Variants in NPAS3 observed in about 807,000 individuals in gnomAD.
NPAS3 encodes neuronal PAS domain-containing protein 3.
A neutral mutation model predicts 73.1 loss-of-function variants in NPAS3; 14 were observed. That is an observed-to-expected ratio of 0.19 (90% CI 0.13 to 0.30). The LOEUF is 0.30. Ranked by LOEUF, NPAS3 falls within the 10% of genes least tolerant of loss-of-function variation. The pLI is 1.00. For missense variants in NPAS3, 1,096 were observed against 1,250.0 expected, an observed-to-expected ratio of 0.88 and a Z score of 1.86; for synonymous variants, 620 against 541.5, an observed-to-expected ratio of 1.14 and a Z score of -2.01.
intron 3 of NPAS3, among the ~76,000 whole-genome samples, chr14:33,244,006 G>A (rs2048295957): frequency 6.6e-6 from 1 of 152,020 alleles, no homozygotes; most frequent in African/African-American, 2.4e-5. Flanking sequence ...TTTCTAGAAG[G>A]CTTCCCAGCC....
At chr14:33,038,860 A>G (rs180871662) in intron 1 of NPAS3, among the ~76,000 whole-genome samples, 14 of 152,336 alleles carry the variant, frequency 9.2e-5, no homozygotes, top group African/African-American at 2.6e-4. Flanking sequence ...AATTAATGGC[A>G]TTTATTGGGA....
At chr14:33,194,979 G>A (rs966788915) in intron 2 of NPAS3, among the ~76,000 whole-genome samples, 5 of 152,094 alleles carry the variant, frequency 3.3e-5, no homozygotes, top group Non-Finnish European at 7.4e-5. Flanking sequence ...CTTACCTTAG[G>A]AACAAATAGG....
At chr14:33,380,795 CT>C (rs1449713228) in intron 4 of NPAS3, among the ~76,000 whole-genome samples, 2 of 152,118 alleles carry the variant, frequency 1.3e-5, no homozygotes, top group African/African-American at 4.8e-5. Context: ...TGGGTAACTG[CT>C]ACAGGAATTG....
chr14:33,248,291 C>T (rs1189922814), intron 3 of NPAS3, among the ~76,000 whole-genome samples: 1 of 152,162 alleles, frequency 6.6e-6, no homozygotes, highest in Non-Finnish European at 1.5e-5. Context: ...CGTTGGCTGT[C>T]ATAAAAACAA....
intron 3 of NPAS3, among the ~76,000 whole-genome samples, chr14:33,310,154 G>A (rs984941993): frequency 3.9e-5 from 6 of 152,174 alleles, no homozygotes; most frequent in African/African-American, 1.4e-4. Context: ...GTACACACAC[G>A]TCTCCACCCT....
At chr14:33,533,363 A>G (rs979956863) in intron 4 of NPAS3, among the ~76,000 whole-genome samples, 1 of 152,180 alleles carries the variant, frequency 6.6e-6, no homozygotes, top group Non-Finnish European at 1.5e-5. Flanking sequence ...AATGTCACCA[A>G]AGAAATAGAA....
At chr14:33,178,962 C>CT (rs2045697531) in intron 2 of NPAS3, among the ~76,000 whole-genome samples, 1 of 152,024 alleles carries the variant, frequency 6.6e-6, no homozygotes, top group Non-Finnish European at 1.5e-5. Flanking sequence ...TTGCAAATGT[C>CT]TTTTTTCGTG....
chr14:33,456,713 G>T (rs1443103359), intron 4 of NPAS3, among the ~76,000 whole-genome samples: 1 of 152,108 alleles, frequency 6.6e-6, no homozygotes, highest in African/African-American at 2.4e-5. Flanking sequence ...AAATTATAGC[G>T]GTGCTAGAAT....
intron 5 of NPAS3, among the ~76,000 whole-genome samples, chr14:33,666,148 T>C (rs190062013): frequency 2.6e-4 from 40 of 152,300 alleles, no homozygotes; most frequent in Non-Finnish European, 4.3e-4. Context: ...GATCTATCTA[T>C]CTCTTTAGGG....
Position 33,624,379 on chromosome 14 carries a change from C to T in NPAS3, c.559-51832C>T, listed in dbSNP as rs180875375. ...TTGGTTTAGGACACAGGTTCCTAAC[C>T]GGGTCTCTTTGGATAGGATTTGGGG... is the stretch of plus-strand genomic sequence containing the variant. On this transcript the variant is annotated intron_variant, in intron 5 of 11. Transcript: ENST00000356141. 3.4e-3 allele frequency among the ~76,000 whole-genome samples: 513 copies of T among 152,228 alleles called. 2 individuals carry two copies. Among genetic ancestry groups the T allele is most frequent in the African/African-American group, 0.012 (491 of 41,532 alleles).
chr14:33,426,750 A>G (rs2048570926), intron 4 of NPAS3, among the ~76,000 whole-genome samples: 1 of 152,100 alleles, frequency 6.6e-6, no homozygotes, highest in Non-Finnish European at 1.5e-5. Flanking sequence ...GAACCATTCT[A>G]AGGAATGGAT....
chr14:33,079,906 C>G (rs953997136), intron 2 of NPAS3, among the ~76,000 whole-genome samples: 7 of 152,102 alleles, frequency 4.6e-5, no homozygotes, highest in Non-Finnish European at 8.8e-5. Context: ...AGCTATCGCG[C>G]CCAGTTGAAT....
chr14:33,255,386 T>C (rs2048740743), intron 3 of NPAS3, among the ~76,000 whole-genome samples: 1 of 152,170 alleles, frequency 6.6e-6, no homozygotes, highest in African/African-American at 2.4e-5. Context: ...AACTAATATA[T>C]AGAGAAATGA....
At chr14:33,082,663 A>G (rs1566541190) in intron 2 of NPAS3, among the ~76,000 whole-genome samples, 2 of 152,230 alleles carry the variant, frequency 1.3e-5, no homozygotes. Flanking sequence ...TAGGAAGTAT[A>G]AAGCAGTGGT....
intron 7 of NPAS3, among the ~76,000 whole-genome samples, chr14:33,745,579 G>T (rs1209890176): frequency 6.6e-6 from 1 of 152,134 alleles, no homozygotes; most frequent in East Asian, 1.9e-4. Flanking sequence ...TACAATCCAT[G>T]TCTACATGTG....
chr14:33,750,591 A>G (rs1458744986), intron 7 of NPAS3, among the ~76,000 whole-genome samples: 2 of 142,228 alleles, frequency 1.4e-5, no homozygotes, highest in Admixed American at 6.8e-5. Context: ...TGAGAAAACA[A>G]AAGAGAAGTC....
At chr14:32,985,628 A>C (rs2139430275) in intron 1 of NPAS3, among the ~76,000 whole-genome samples, 2 of 152,320 alleles carry the variant, frequency 1.3e-5, no homozygotes, top group East Asian at 3.9e-4. Context: ...TGTTTAAAAA[A>C]CAAAACAAAA....
intron 5 of NPAS3, among the ~76,000 whole-genome samples, chr14:33,595,062 A>G (rs2057194771): frequency 2.0e-5 from 3 of 152,250 alleles, no homozygotes; most frequent in African/African-American, 7.2e-5. Context: ...GCAACTGATT[A>G]GAAGTTAAAA....
rs1183674668 is a variant in NPAS3 at position 33,155,143 on chromosome 14, G to GGGATGAGT, written c.141-60037_141-60030dup. Among the ~76,000 whole-genome samples, 4 of 152,270 alleles carry GGGATGAGT rather than the reference G, an allele frequency of 2.6e-5. No homozygotes were observed. In the East Asian group the frequency reaches 7.7e-4, roughly 29 times the overall value. On this transcript the variant is annotated intron_variant, in intron 2 of 11. Coordinates refer to ENST00000356141, the Ensembl canonical transcript of NPAS3. ...GATCTTGGTTTAAAACTTTTGCCTT[G>GGGATGAGT]GGATGAGTGCTGTTCCTCTTGTGCC...
Sources: allele counts gnomAD v4.1 joint callset (sites outside exome capture counted in the v4.1 genomes callset), GRCh38; gene constraint gnomAD v4.1.1; transcripts MANE v1.5; gene names NCBI Gene and HGNC (gene_info 2026-07-23, HGNC 2026-07-21).